FRZB: variants seen among roughly 807,000 people sequenced by gnomAD.
FRZB encodes secreted frizzled-related protein 3.
In FRZB, 34 loss-of-function variants were observed where a neutral mutation model predicts 32.5. That is an observed-to-expected ratio of 1.05 (90% CI 0.80 to 1.39). The LOEUF (loss-of-function observed/expected upper bound fraction) is 1.39. FRZB is among the 40% of genes most tolerant of loss of function. FRZB has a pLI of 0.00. For synonymous variants in FRZB, 170 were observed against 159.2 expected (o/e 1.07, Z -0.51); for missense variants, 423 against 424.8 (o/e 1.00, Z 0.04).
chr2:182,865,026 G>T (rs1020189660), intron 1 of FRZB, among the ~76,000 whole-genome samples: 2 of 152,140 alleles, frequency 1.3e-5, no homozygotes, highest in Non-Finnish European at 2.9e-5. Context: ...GGTTTAGTTG[G>T]GGTCTTAAAG....
At chr2:182,859,960 C>T (rs1457583222) in intron 1 of FRZB, among the ~76,000 whole-genome samples, 1 of 152,040 alleles carries the variant, frequency 6.6e-6, no homozygotes, top group Non-Finnish European at 1.5e-5. Flanking sequence ...CAGTAACGTG[C>T]CAGTGGTTTT....
chr2:182,862,441 C>T (rs932268403), intron 1 of FRZB, among the ~76,000 whole-genome samples: 1 of 152,194 alleles, frequency 6.6e-6, no homozygotes, highest in African/African-American at 2.4e-5. Flanking sequence ...TTTTCTGTCG[C>T]TCCCAAGGGG....
chr2:182,856,298 T>A (rs1215721272), intron 2 of FRZB, among the ~76,000 whole-genome samples: 1 of 151,982 alleles, frequency 6.6e-6, no homozygotes, highest in Admixed American at 6.6e-5. Flanking sequence ...TTAAAAGATA[T>A]GTAATTGTTA....
chr2:182,855,391 A>C (rs1328476802), intron 2 of FRZB, among the ~76,000 whole-genome samples: 1 of 152,224 alleles, frequency 6.6e-6, no homozygotes, highest in Admixed American at 6.5e-5. Context: ...TCACAAATTA[A>C]GGGTGAATAC....
At chr2:182,842,840 G>T (rs1695600716) in intron 2 of FRZB, among the ~76,000 whole-genome samples, 1 of 152,166 alleles carries the variant, frequency 6.6e-6, no homozygotes, top group African/African-American at 2.4e-5. Flanking sequence ...CCTTAATCCT[G>T]AAAGAGGTAT....
intron 2 of FRZB, among the ~76,000 whole-genome samples, chr2:182,843,447 G>A (rs1283003501): frequency 6.6e-6 from 1 of 152,008 alleles, no homozygotes; most frequent in African/African-American, 2.4e-5. Flanking sequence ...CAATATAAAA[G>A]TAGAAAATAA....
chr2:182,849,319 T>C (rs1184601810), intron 2 of FRZB, among the ~76,000 whole-genome samples: 2 of 152,238 alleles, frequency 1.3e-5, no homozygotes, highest in Admixed American at 6.5e-5. Flanking sequence ...CATAAATATA[T>C]ACATTTGTCA....
chr2:182,855,821 G>T (rs953843913), intron 2 of FRZB, among the ~76,000 whole-genome samples: 2 of 151,890 alleles, frequency 1.3e-5, no homozygotes, highest in Non-Finnish European at 2.9e-5. Context: ...TAAACTCAAA[G>T]GAATCAATGC....
chr2:182,857,133 A>G (rs1055430400), intron 2 of FRZB, among the ~76,000 whole-genome samples: 1 of 152,210 alleles, frequency 6.6e-6, no homozygotes, highest in Admixed American at 6.5e-5. Context: ...AATTTGAAAA[A>G]TAGCAAAGAT....
intron 1 of FRZB, among the ~76,000 whole-genome samples, chr2:182,861,838 T>A (rs1695834409): frequency 6.6e-6 from 1 of 152,182 alleles, no homozygotes; most frequent in Non-Finnish European, 1.5e-5. Context: ...AAAAGTAAAT[T>A]ATTAAGATTT....
chr2:182,864,954 T>C (rs1695874433), intron 1 of FRZB, among the ~76,000 whole-genome samples: 1 of 152,150 alleles, frequency 6.6e-6, no homozygotes, highest in Non-Finnish European at 1.5e-5. Context: ...GGGTAAAATT[T>C]GAGGTTGGGT....
At position 182,837,977 on chromosome 2, in the gene FRZB, A is replaced by G. The variant is rs1308518502; in HGVS notation, c.832T>C (p.Trp278Arg). The change falls in exon 5 of 6, where the codon TGG becomes CGG. Residue 278 changes from tryptophan (W) to arginine (R), a missense_variant. Coordinates refer to ENST00000295113, the MANE Select transcript of FRZB (RefSeq NM_001463.4). The stretch of plus-strand genomic sequence containing the variant: ...ACTTTTTTACCGAGTCGATCCTTCC[A>G]CTTCTCAGCTATAGAGCCTTCCACC... Reference protein sequence around the residue: ...LLVEGSIAEKWKDRLGKKVKR... With the variant: ...LLVEGSIAEKRKDRLGKKVKR... 3 of 1,612,288 alleles carry G rather than the reference A, an allele frequency of 1.9e-6. No homozygotes were observed. Among genetic ancestry groups the G allele is most frequent in the Admixed American group, 1.7e-5 (1 of 59,860 alleles).
At position 182,841,090 on chromosome 2, in the gene FRZB, C is replaced by T. The variant is rs554770205; in HGVS notation, c.592+1388G>A. 1.3e-3 allele frequency among the ~76,000 whole-genome samples: 194 copies of T among 152,090 alleles called. 1 individual carries two copies. Among genetic ancestry groups the T allele is most frequent in the African/African-American group, 4.4e-3 (184 of 41,516 alleles). On this transcript the variant is annotated intron_variant, in intron 3 of 5. Transcript: ENST00000295113. ...TTCTTCACATCAATCTGTAAAGAAGCGGGTTCTTAGATAAGCAGCCAGGCA... is the reference window on the plus strand; with the variant it reads ...TTCTTCACATCAATCTGTAAAGAAGTGGGTTCTTAGATAAGCAGCCAGGCA...
At chr2:182,835,003 A>G (rs1695508534) in intron 5 of FRZB, 38 bp from the exon 6 acceptor site, 1 of 1,365,090 alleles carries the variant, frequency 7.3e-7, no homozygotes, top group Non-Finnish European at 1.0e-6. Context: ...ACAAGCACAT[A>G]TCACCAGGGT....
At position 182,837,919 on chromosome 2, in the gene FRZB, A is replaced by C. The variant is rs746568612; in HGVS notation, c.861+29T>G. 2.5e-6 allele frequency: 4 copies of C among 1,577,752 alleles called. No homozygotes were observed. In the South Asian group the frequency reaches 3.3e-5, roughly 13 times the overall value. On this transcript the variant is annotated intron_variant, in intron 5 of 5. Transcript: ENST00000295113. ...TCTACTTTTGTTTTGTTTTCTGTGT[A>C]TTACTTCAAACATAAAATACAGGCT...
chr2:182,839,823 T>C (rs762288087), intron 3 of FRZB, among the ~76,000 whole-genome samples: 3 of 152,098 alleles, frequency 2.0e-5, no homozygotes, highest in Admixed American at 6.6e-5. Context: ...TTTATCCAAA[T>C]GAGTCAACAT....
intron 1 of FRZB, among the ~76,000 whole-genome samples, chr2:182,864,443 CTG>C (rs1453845573): frequency 1.3e-5 from 2 of 152,196 alleles, no homozygotes; most frequent in African/African-American, 4.8e-5. Context: ...ACTCTGCAGT[CTG>C]TGACTTTAGT....
chr2:182,855,666 T>A (rs952737157), intron 2 of FRZB, among the ~76,000 whole-genome samples: 16 of 152,054 alleles, frequency 1.1e-4, no homozygotes, highest in Non-Finnish European at 2.2e-4. Flanking sequence ...TGGAACAATA[T>A]CAGAAGATCT....
chr2:182,842,351 A>T, intron 3 of FRZB, 127 bp downstream of exon 3: 1 of 692,966 alleles, frequency 1.4e-6, no homozygotes, highest in Admixed American at 2.5e-5. Context: ...TCCTAAAAAT[A>T]GTCCTTCTGT....
Sources: gnomAD v4.1 joint callset for allele counts (sites outside exome capture counted in the v4.1 genomes callset) on GRCh38, gnomAD v4.1.1 for gene constraint, MANE v1.5 for transcripts, NCBI Gene and HGNC (gene_info 2026-07-23, HGNC 2026-07-21) for gene names.